KSR2: variants seen among roughly 807,000 people sequenced by gnomAD.
The protein encoded by KSR2 is kinase suppressor of ras 2.
KSR2 carries 25 observed loss-of-function variants against 107.8 expected under a neutral mutation model. The observed-to-expected ratio is 0.23, with a 90% CI of 0.17 to 0.32. KSR2 has a LOEUF of 0.32. Among genes scored for constraint, KSR2 ranks in the 10% least tolerant of loss-of-function variants. The pLI, the probability that KSR2 is intolerant of heterozygous loss-of-function variation, is 1.00. For missense variants in KSR2, 887 were observed against 1,268.9 expected (o/e 0.70, Z 4.57); for synonymous variants, 480 against 507.0 (o/e 0.95, Z 0.71).
At position 117,453,294 on chromosome 12, in the gene KSR2, T is replaced by C. The variant is rs1870426572; in HGVS notation, c.*13905A>G. On this transcript the variant is annotated 3_prime_UTR_variant, in exon 20 of 20. Coordinates refer to ENST00000339824, the MANE Select transcript of KSR2 (RefSeq NM_173598.6). Reference sequence around the variant, plus strand: ...TCCTGGATGGCATCTGAATAGAGTGTTCCTTCTCAGCAACAAGACATTGGC... The same window carrying C: ...TCCTGGATGGCATCTGAATAGAGTGCTCCTTCTCAGCAACAAGACATTGGC... 1 of 152,526 alleles carries C rather than the reference T, an allele frequency of 6.6e-6. No individual in the cohort carries two copies. The highest frequency in any genetic ancestry group is 2.4e-5 in the African/African-American group (1 of 41,420). The allele number at this position is 152,526 out of a possible 1,614,324, so 9.4% of individuals were successfully genotyped here.
At chr12:117,893,622 C>A (rs1445713548) in intron 1 of KSR2, among the ~76,000 whole-genome samples, 1 of 152,178 alleles carries the variant, frequency 6.6e-6, no homozygotes. Context: ...AATTCTAACA[C>A]CCACTCCAAA....
At chr12:117,629,969 T>A (rs997047808) in intron 5 of KSR2, among the ~76,000 whole-genome samples, 6 of 152,184 alleles carry the variant, frequency 3.9e-5, no homozygotes, top group Non-Finnish European at 8.8e-5. Flanking sequence ...CCAGCAGCTT[T>A]ACCAAGGATG....
chr12:117,596,424 A>G, intron 5 of KSR2, among the ~76,000 whole-genome samples: 1 of 152,158 alleles, frequency 6.6e-6, no homozygotes, highest in Non-Finnish European at 1.5e-5. Context: ...AAACCACATC[A>G]CCAGGCATCT....
chr12:117,718,857 C>G (rs1391763153), intron 4 of KSR2, among the ~76,000 whole-genome samples: 1 of 152,166 alleles, frequency 6.6e-6, no homozygotes, highest in Non-Finnish European at 1.5e-5. Flanking sequence ...TCCCCTCTGC[C>G]ATACCATCAT....
Position 117,968,169 on chromosome 12 carries a change from G to A in KSR2, c.87C>T (p.Asn29=). 1 of 1,607,468 alleles carries A rather than the reference G, an allele frequency of 6.2e-7. No homozygotes were observed. ...GGTTGGAGATGCTCAAGTCTATCATGTTTTGGACCAGTTCGCACTGCTGTA... is the reference window on the plus strand; with the variant it reads ...GGTTGGAGATGCTCAAGTCTATCATATTTTGGACCAGTTCGCACTGCTGTA... ...KALQQCELVQ[N]MIDLSISNLE... Residue 29 remains asparagine (N), a synonymous_variant, in exon 1 of 20, where the codon AAC becomes AAT. Transcript: ENST00000339824.
Position 117,564,880 on chromosome 12 carries a change from G to C in KSR2, c.1326-6307C>G, listed in dbSNP as rs368671765. 3.4e-4 allele frequency among the ~76,000 whole-genome samples: 52 copies of C among 152,266 alleles called. No individual in the cohort carries two copies. The South Asian group carries it at 0.011, about 31-fold the overall frequency. On this transcript the variant is annotated intron_variant, in intron 7 of 19. Coordinates refer to ENST00000339824, the MANE Select transcript of KSR2 (RefSeq NM_173598.6). ...ATCCCTATCAAAACGTTTTTGAAAG[G>C]CTATTTCTATTTCTTATAAATCGTA...
At chr12:117,695,585 C>G (rs1468568378) in intron 4 of KSR2, among the ~76,000 whole-genome samples, 1 of 151,360 alleles carries the variant, frequency 6.6e-6, no homozygotes. Flanking sequence ...GTGGCACACA[C>G]CTGTAGTCCC....
In KSR2 at chr12:117,843,075, C is replaced by T. The variant is rs76324146; in HGVS notation, c.472+12353G>A. On this transcript the variant is annotated intron_variant, in intron 3 of 19. Coordinates refer to ENST00000339824, the MANE Select transcript of KSR2 (RefSeq NM_173598.6). Reference sequence around the variant, plus strand: ...AGTACATATTCAGTGCCAAATTTGCCAGACAAGTGTTTATACGAACACAGT... The same window carrying T: ...AGTACATATTCAGTGCCAAATTTGCTAGACAAGTGTTTATACGAACACAGT... Among the ~76,000 whole-genome samples the T allele has an allele frequency of 5.6e-3, 852 of 152,142 alleles. 35 individuals are homozygous for T. In the East Asian group the frequency reaches 0.1, roughly 18 times the overall value.
chr12:117,962,147 T>TAAAA (rs36119176), intron 1 of KSR2, among the ~76,000 whole-genome samples: 1 of 112,450 alleles, frequency 8.9e-6, no homozygotes, highest in East Asian at 2.9e-4. Context: ...CCTGTCTCTT[T>TAAAA]AAAAAAAAAA....
chr12:117,848,326 C>T (rs1283523754), intron 3 of KSR2, among the ~76,000 whole-genome samples: 2 of 152,326 alleles, frequency 1.3e-5, no homozygotes, highest in Non-Finnish European at 2.9e-5. Flanking sequence ...ACCCTGCTGT[C>T]CTCAGACGCT....
chr12:117,578,979 TC>T, intron 7 of KSR2, 139 bp downstream of exon 7: 1 of 687,060 alleles, frequency 1.5e-6, no homozygotes, highest in African/African-American at 1.8e-5. Context: ...CAGGTGCATT[TC>T]CAATCTATTT....
chr12:117,760,947 C>G, intron 4 of KSR2, 64 bp downstream of exon 4: 1 of 1,598,796 alleles, frequency 6.3e-7, no homozygotes, highest in Non-Finnish European at 8.5e-7. Flanking sequence ...GTTCCTGGGA[C>G]CAAGGGGCAG....
chr12:117,517,468 G>A (rs1320164881), intron 14 of KSR2, among the ~76,000 whole-genome samples: 2 of 152,216 alleles, frequency 1.3e-5, no homozygotes, highest in East Asian at 3.9e-4. Flanking sequence ...GATGACAGAT[G>A]TCACACGTGC....
chr12:117,862,110 G>A (rs984734525), intron 1 of KSR2, among the ~76,000 whole-genome samples: 5 of 150,144 alleles, frequency 3.3e-5, no homozygotes, highest in African/African-American at 7.4e-5. Context: ...TGCCCAGGCT[G>A]GAGTGCAGTG....
intron 1 of KSR2, among the ~76,000 whole-genome samples, chr12:117,899,365 T>C (rs1422419654): frequency 2.6e-5 from 4 of 151,938 alleles, no homozygotes; most frequent in African/African-American, 4.8e-5. Context: ...TGGTGGCACA[T>C]ACCTGTAGTC....
intron 4 of KSR2, among the ~76,000 whole-genome samples, chr12:117,727,176 G>C (rs758392092): frequency 6.6e-6 from 1 of 151,110 alleles, no homozygotes; most frequent in Non-Finnish European, 1.5e-5. Context: ...AGGAGTTTGA[G>C]ACCAGCCTGG....
chr12:117,888,095 C>G (rs76127261), intron 1 of KSR2, among the ~76,000 whole-genome samples: 3,614 of 152,258 alleles, frequency 0.024, 137 homozygotes, highest in African/African-American at 0.082. Flanking sequence ...CCAAGTGTAG[C>G]CTTTTCTCCA....
intron 5 of KSR2, among the ~76,000 whole-genome samples, chr12:117,632,685 C>T (rs1882866941): frequency 6.6e-6 from 1 of 152,166 alleles, no homozygotes; most frequent in Non-Finnish European, 1.5e-5. Flanking sequence ...CCTCTCCCTC[C>T]TCCCACCCTC....
intron 1 of KSR2, among the ~76,000 whole-genome samples, chr12:117,958,507 G>C (rs372915405): frequency 6.6e-6 from 1 of 152,154 alleles, no homozygotes; most frequent in South Asian, 2.1e-4. Flanking sequence ...ATAAGCACCT[G>C]ACAATAGAAT....
Sources: gnomAD v4.1 joint callset for allele counts (sites outside exome capture counted in the v4.1 genomes callset) on GRCh38, gnomAD v4.1.1 for gene constraint, MANE v1.5 for transcripts, NCBI Gene and HGNC (gene_info 2026-07-23, HGNC 2026-07-21) for gene names.